WWOX: variants seen among roughly 807,000 people sequenced by gnomAD.
WWOX encodes the protein WW domain-containing oxidoreductase.
Under a neutral mutation model 46.2 loss-of-function variants are expected in WWOX, and 69 were observed. That is an observed-to-expected ratio of 1.49 (90% CI 1.23 to 1.82). The LOEUF is 1.82. Ranked by LOEUF, WWOX falls within the 40% of genes most tolerant of loss-of-function variation. WWOX has a pLI of 0.00. For synonymous variants in WWOX, 359 were observed against 202.6 expected (o/e 1.77, Z -6.56); for missense variants, 919 against 542.6 (o/e 1.69, Z -6.89).
intron 8 of WWOX, among the ~76,000 whole-genome samples, chr16:78,713,166 G>T (rs1396554438): frequency 6.6e-6 from 1 of 151,248 alleles, no homozygotes; most frequent in Non-Finnish European, 1.5e-5. Flanking sequence ...CAGCTGCTTG[G>T]GAGGTTGAGG....
chr16:78,760,209 T>G (rs539492648), intron 8 of WWOX, among the ~76,000 whole-genome samples: 3 of 152,246 alleles, frequency 2.0e-5, no homozygotes, highest in Admixed American at 2.0e-4. Context: ...TGAAGGAGTT[T>G]CCCGTTATAA....
intron 5 of WWOX, among the ~76,000 whole-genome samples, chr16:78,306,668 C>G (rs1018512259): frequency 6.6e-6 from 1 of 151,894 alleles, no homozygotes; most frequent in Non-Finnish European, 1.5e-5. Flanking sequence ...CCATGCCTTC[C>G]CCAAATTCCT....
chr16:78,501,003 T>A (rs3736449), intron 8 of WWOX, among the ~76,000 whole-genome samples: 3,169 of 152,216 alleles, frequency 0.021, 85 homozygotes, highest in African/African-American at 0.064. Flanking sequence ...GAAATATGTT[T>A]CACTTTGCTG....
chr16:78,169,535 G>A (rs2035082911), intron 5 of WWOX, among the ~76,000 whole-genome samples: 1 of 151,958 alleles, frequency 6.6e-6, no homozygotes, highest in South Asian at 2.1e-4. Flanking sequence ...CATACTTCAT[G>A]AACAGCTACA....
intron 8 of WWOX, among the ~76,000 whole-genome samples, chr16:78,596,161 G>C (rs533866165): frequency 6.6e-6 from 1 of 151,880 alleles, no homozygotes; most frequent in South Asian, 2.1e-4. Flanking sequence ...AACAAAATAC[G>C]ATATTATCTT....
intron 6 of WWOX, among the ~76,000 whole-genome samples, chr16:78,422,209 A>G (rs1229791821): frequency 1.3e-5 from 2 of 152,182 alleles, no homozygotes; most frequent in East Asian, 1.9e-4. Flanking sequence ...GGGCTTCTAT[A>G]TGATTGCATA....
intron 4 of WWOX, among the ~76,000 whole-genome samples, chr16:78,125,707 AT>A (rs1007640079): frequency 2.0e-5 from 3 of 151,924 alleles, no homozygotes; most frequent in Non-Finnish European, 4.4e-5. Context: ...ACCAAATCAA[AT>A]TTTTTTTAAA....
At chr16:78,833,264 C>A (rs115369031) in intron 8 of WWOX, among the ~76,000 whole-genome samples, 1 of 152,064 alleles carries the variant, frequency 6.6e-6, no homozygotes, top group African/African-American at 2.4e-5. Flanking sequence ...CCAGTCTGGT[C>A]TTGAACTCCT....
chr16:78,159,666 T>C (rs1323993467), intron 4 of WWOX, among the ~76,000 whole-genome samples: 1 of 137,662 alleles, frequency 7.3e-6, no homozygotes, highest in African/African-American at 2.7e-5. Flanking sequence ...GTTTTTAAAA[T>C]CTGTGGTTTT....
rs1266898285 is a variant in WWOX, at chr16:78,406,334, A to T, written c.606-18536A>T. ...TATATATATATATATATATATATAT[A>T]TATATATATATATATATATATTTTA... On this transcript the variant is annotated intron_variant, in intron 6 of 8. Transcript: ENST00000566780. Among the ~76,000 whole-genome samples the T allele has an allele frequency of 6.9e-5, 6 of 87,060 alleles. No homozygotes were observed. The African/African-American group carries it at 8.6e-4, about 13-fold the overall frequency. 57.1% of individuals were successfully genotyped at this position (87,060 alleles called of 152,430 possible).
chr16:78,508,848 C>A, intron 8 of WWOX, among the ~76,000 whole-genome samples: 1 of 152,212 alleles, frequency 6.6e-6, no homozygotes, highest in East Asian at 1.9e-4. Context: ...TCCTCTCTCT[C>A]CTTGGTCTCT....
chr16:78,148,212 C>G (rs994163038), intron 4 of WWOX, among the ~76,000 whole-genome samples: 1 of 152,190 alleles, frequency 6.6e-6, no homozygotes, highest in Admixed American at 6.5e-5. Flanking sequence ...CTTTCTACTT[C>G]TAAACAACCA....
chr16:78,493,058 G>A (rs749401678), intron 8 of WWOX, among the ~76,000 whole-genome samples: 2 of 152,170 alleles, frequency 1.3e-5, no homozygotes, highest in Non-Finnish European at 2.9e-5. Flanking sequence ...TCTTCCTGCA[G>A]AGAACAGACT....
At chr16:79,198,304 C>T (rs888774854) in intron 8 of WWOX, among the ~76,000 whole-genome samples, 1 of 152,150 alleles carries the variant, frequency 6.6e-6, no homozygotes, top group African/African-American at 2.4e-5. Flanking sequence ...CGCCACTGTA[C>T]TCCAGCCTGA....
At chr16:78,950,526 A>G (rs2046037786) in intron 8 of WWOX, among the ~76,000 whole-genome samples, 1 of 83,644 alleles carries the variant, frequency 1.2e-5, no homozygotes, top group Admixed American at 1.7e-4. Flanking sequence ...GAACACACAC[A>G]CACACATACA....
chr16:78,624,628 A>G (rs1011681413), intron 8 of WWOX, among the ~76,000 whole-genome samples: 2 of 152,192 alleles, frequency 1.3e-5, no homozygotes, highest in South Asian at 4.1e-4. Flanking sequence ...ACTCATTTCT[A>G]TGGCAAGCTG....
intron 5 of WWOX, among the ~76,000 whole-genome samples, chr16:78,250,202 CAG>C (rs1555509034): frequency 3.3e-5 from 5 of 152,316 alleles, no homozygotes; most frequent in Non-Finnish European, 7.3e-5. Context: ...AAAACACACA[CAG>C]ATCATTTCTT....
intron 5 of WWOX, among the ~76,000 whole-genome samples, chr16:78,351,833 T>A (rs149314254): frequency 6.6e-6 from 1 of 152,158 alleles, no homozygotes; most frequent in Non-Finnish European, 1.5e-5. Flanking sequence ...ATTTTTATAT[T>A]TTTACTCGAG....
chr16:78,373,475 TA>T (rs1404059929), intron 5 of WWOX, among the ~76,000 whole-genome samples: 7 of 152,178 alleles, frequency 4.6e-5, no homozygotes, highest in Non-Finnish European at 1.0e-4. Context: ...CAGTGACCAT[TA>T]GTGGAAATGT....
Sources: allele counts gnomAD v4.1 joint callset (sites outside exome capture counted in the v4.1 genomes callset), GRCh38; gene constraint gnomAD v4.1.1; transcripts MANE v1.5; gene names NCBI Gene and HGNC (gene_info 2026-07-23, HGNC 2026-07-21).